The following RIN2 variants were observed in gnomAD, a reference collection of about 807,000 sequenced individuals.
RIN2 encodes RAB5 interacting protein 2.
A neutral mutation model predicts 78.0 loss-of-function variants in RIN2; 36 were observed. The ratio of observed to expected loss-of-function variants is 0.46; its 90% CI spans 0.35 to 0.61. The LOEUF (loss-of-function observed/expected upper bound fraction) is 0.61, where lower values mean the gene tolerates loss of function less well. Among genes scored for constraint, RIN2 ranks in the 20% least tolerant of loss-of-function variants. The probability of loss-of-function intolerance (pLI) is 0.00; values close to 1 mark genes in which losing one functional copy is unlikely to be tolerated. For synonymous variants in RIN2, 466 were observed against 466.8 expected (o/e 1.00, Z 0.02); for missense variants, 1,087 against 1,159.7 (o/e 0.94, Z 0.91).
chr20:19,853,319 T>C lies in RIN2; in HGVS notation c.-36-36247T>C, dbSNP rs1019893449. On this transcript the variant is annotated intron_variant, in intron 2 of 12. Transcript: ENST00000255006. ...TGGGTTGGTTCCAAGTCTTTGCTAT[T>C]GTGAATAATGCTGCAATAAACATAC... Among the ~76,000 whole-genome samples, 173 of 152,216 alleles carry C rather than the reference T, an allele frequency of 1.1e-3. 1 individual carries two copies. Among genetic ancestry groups the C allele is most frequent in the Non-Finnish European group, 1.8e-3 (124 of 68,020 alleles).
intron 8 of RIN2, among the ~76,000 whole-genome samples, chr20:19,971,962 G>A (rs560066094): frequency 2.6e-5 from 4 of 152,124 alleles, no homozygotes; most frequent in African/African-American, 4.8e-5. Context: ...AGCTGGTCTC[G>A]AAATCCTGAC....
intron 2 of RIN2, among the ~76,000 whole-genome samples, chr20:19,871,489 T>A (rs1452690603): frequency 6.6e-6 from 1 of 152,144 alleles, no homozygotes; most frequent in Non-Finnish European, 1.5e-5. Flanking sequence ...AGGGTTGAGG[T>A]GAGAAAAATC....
At chr20:19,784,710 C>T (rs116807131) in intron 1 of RIN2, among the ~76,000 whole-genome samples, 3,271 of 152,140 alleles carry the variant, frequency 0.021, 139 homozygotes, top group African/African-American at 0.075. Flanking sequence ...GGAGCCCGCC[C>T]CTGTCTAGAG....
At chr20:19,787,445 A>G (rs57270827) in intron 1 of RIN2, among the ~76,000 whole-genome samples, 344 of 148,118 alleles carry the variant, frequency 2.3e-3, no homozygotes, top group African/African-American at 7.4e-3. Flanking sequence ...AAAAAAAAAA[A>G]AGAGAGAGAG....
intron 2 of RIN2, chr20:19,823,668 TC>T (rs2035995003): frequency 6.3e-7 from 1 of 1,579,618 alleles, no homozygotes; most frequent in African/African-American, 1.3e-5. Context: ...TCTGTTTCTT[TC>T]TGTCTCTTGG....
chr20:19,884,333 GA>G (rs1301385383), intron 2 of RIN2, among the ~76,000 whole-genome samples: 2 of 152,072 alleles, frequency 1.3e-5, no homozygotes, highest in Non-Finnish European at 2.9e-5. Context: ...GCTGAGGTGG[GA>G]GAATCACTTG....
intron 3 of RIN2, among the ~76,000 whole-genome samples, chr20:19,927,868 GA>G (rs909491001): frequency 6.6e-6 from 1 of 151,866 alleles, no homozygotes; most frequent in African/African-American, 2.4e-5. Flanking sequence ...ATTTAAATAG[GA>G]AGAGGATTAG....
chr20:19,940,765 C>T (rs927709027), intron 4 of RIN2, among the ~76,000 whole-genome samples: 7 of 152,220 alleles, frequency 4.6e-5, no homozygotes, highest in African/African-American at 1.4e-4. Flanking sequence ...AAGCAGGCCT[C>T]TTTTGGGTAG....
intron 3 of RIN2, among the ~76,000 whole-genome samples, chr20:19,924,813 C>T (rs1179916515): frequency 8.9e-6 from 1 of 112,114 alleles, no homozygotes; most frequent in Non-Finnish European, 1.7e-5. Context: ...AATCTCGGCT[C>T]ACAGCAACCT....
At chr20:19,969,480 C>G (rs192245293) in intron 7 of RIN2, among the ~76,000 whole-genome samples, 4 of 152,180 alleles carry the variant, frequency 2.6e-5, no homozygotes, top group Non-Finnish European at 5.9e-5. Flanking sequence ...GCTGCCTGCT[C>G]ACGAAGACTT....
At chr20:19,890,617 A>G (rs533509570) in intron 3 of RIN2, among the ~76,000 whole-genome samples, 1 of 130,006 alleles carries the variant, frequency 7.7e-6, no homozygotes, top group Non-Finnish European at 1.6e-5. Flanking sequence ...ATTAACACTT[A>G]TTTACATGTT....
intron 1 of RIN2, among the ~76,000 whole-genome samples, chr20:19,758,669 C>CGAGGTGCG (rs891414654): frequency 3.9e-4 from 60 of 152,184 alleles, no homozygotes; most frequent in Middle Eastern, 3.4e-3. Flanking sequence ...CACTATGGCT[C>CGAGGTGCG]GAGGTGCGGA....
At chr20:19,952,970 A>C (rs2146216564) in intron 4 of RIN2, among the ~76,000 whole-genome samples, 1 of 152,244 alleles carries the variant, frequency 6.6e-6, no homozygotes, top group South Asian at 2.1e-4. Flanking sequence ...GCTTGTTAGA[A>C]ATGCAATGTC....
At chr20:19,817,822 C>A (rs754653814) in intron 2 of RIN2, among the ~76,000 whole-genome samples, 1 of 152,170 alleles carries the variant, frequency 6.6e-6, no homozygotes, top group African/African-American at 2.4e-5. Context: ...AGCTCTAGAG[C>A]CTGAGCACTC....
intron 2 of RIN2, among the ~76,000 whole-genome samples, chr20:19,829,912 G>A (rs1029870410): frequency 3.9e-5 from 6 of 152,224 alleles, no homozygotes; most frequent in African/African-American, 1.4e-4. Context: ...TCCCAACAAA[G>A]CCTTGTGGGA....
chr20:19,862,333 A>G (rs1023222921), intron 2 of RIN2, among the ~76,000 whole-genome samples: 1 of 152,104 alleles, frequency 6.6e-6, no homozygotes, highest in African/African-American at 2.4e-5. Flanking sequence ...GGCTCACACC[A>G]GTAATCCCAC....
At chr20:19,831,706 G>C (rs2036256598) in intron 2 of RIN2, among the ~76,000 whole-genome samples, 1 of 152,122 alleles carries the variant, frequency 6.6e-6, no homozygotes, top group Admixed American at 6.5e-5. Flanking sequence ...TCGTTGAGCA[G>C]GTACAATGAG....
chr20:19,986,202 C>T (rs2042617956), intron 9 of RIN2, among the ~76,000 whole-genome samples: 1 of 152,000 alleles, frequency 6.6e-6, no homozygotes, highest in Admixed American at 6.6e-5. Context: ...TCCTCAAATC[C>T]TTTTTCCTTC....
chr20:19,859,503 C>G (rs988313141), intron 2 of RIN2, among the ~76,000 whole-genome samples: 2 of 152,208 alleles, frequency 1.3e-5, no homozygotes, highest in Non-Finnish European at 2.9e-5. Context: ...ACCCAACAGA[C>G]AGCTTTCAAT....
Sources: gnomAD v4.1 joint callset for allele counts (sites outside exome capture counted in the v4.1 genomes callset) on GRCh38, gnomAD v4.1.1 for gene constraint, MANE v1.5 for transcripts, NCBI Gene and HGNC (gene_info 2026-07-23, HGNC 2026-07-21) for gene names.